The following ORC6 variants were observed in gnomAD, a reference collection of about 807,000 sequenced individuals.
The protein encoded by ORC6 is origin recognition complex, subunit 6 homolog-like (yeast).
A neutral mutation model predicts 30.0 loss-of-function variants in ORC6; 31 were observed. The observed-to-expected ratio is 1.03, with a 90% CI of 0.78 to 1.40. The LOEUF (loss-of-function observed/expected upper bound fraction) is 1.40. ORC6 is among the 40% of genes most tolerant of loss of function. The probability of loss-of-function intolerance (pLI) is 0.00; values close to 1 mark genes in which losing one functional copy is unlikely to be tolerated. For missense variants in ORC6, 340 were observed against 304.3 expected (o/e 1.12, Z -0.87); for synonymous variants, 136 against 111.2 (o/e 1.22, Z -1.40).
chr16:46,694,675 C>G lies in ORC6; in HGVS notation c.450-887C>G, dbSNP rs36316. 2.3e-4 allele frequency among the ~76,000 whole-genome samples: 32 copies of G among 140,034 alleles called. 2 individuals carry two copies. Among genetic ancestry groups the G allele is most frequent in the Admixed American group, 1.9e-3 (27 of 14,276 alleles). The allele number at this position is 140,034 out of a possible 152,430, so 91.9% of individuals were successfully genotyped here. The stretch of plus-strand genomic sequence containing the variant: ...ACAACACTGTCTCTTAAAAAAAAAA[C>G]AAAACACTGGCTACAACTGTTCTTC... On this transcript the variant is annotated intron_variant, in intron 4 of 6. Transcript: ENST00000219097.
At chr16:46,692,829 C>G (rs1047939065) in intron 3 of ORC6, among the ~76,000 whole-genome samples, 2 of 152,150 alleles carry the variant, frequency 1.3e-5, no homozygotes, top group Non-Finnish European at 2.9e-5. Flanking sequence ...GATTGCACCA[C>G]TGCACTCCAG....
Position 46,689,769 on chromosome 16 carries a change from A to C in ORC6, c.64A>C (p.Arg22=). 6 of 1,594,362 alleles carry C rather than the reference A, an allele frequency of 3.8e-6. No homozygotes were observed. Among genetic ancestry groups the C allele is most frequent in the Non-Finnish European group, 5.1e-6 (6 of 1,171,628 alleles). Residue 22 remains arginine (R), a splice_region_variant and synonymous_variant, in exon 1 of 7, where the codon AGG becomes CGG. Transcript: ENST00000219097. ...GGGCCTCGCCGAGCCCGACATGCTG[A>C]GGTGAGTTCGGCCGCGCAAGACCAG... ...RLGLAEPDML[R]KAEEYLRLSR... is the part of the protein sequence containing the mutation.
chr16:46,690,902 T>C (rs917830052), intron 1 of ORC6, 89 bp from the exon 2 acceptor site: 11 of 1,397,072 alleles, frequency 7.9e-6, no homozygotes, highest in South Asian at 1.2e-5. Flanking sequence ...AGGCTTAGTG[T>C]GAAGCTAACC....
chr16:46,692,078 G>C (rs1487630250), intron 2 of ORC6, among the ~76,000 whole-genome samples: 1 of 151,722 alleles, frequency 6.6e-6, no homozygotes, highest in Non-Finnish European at 1.5e-5. Context: ...GTAACCATCT[G>C]TGTGTTTCCT....
At chr16:46,696,359 C>T in intron 6 of ORC6, 1 of 496,942 alleles carries the variant, frequency 2.0e-6, no homozygotes, top group Non-Finnish European at 3.7e-6. Context: ...AGTGCGAGAC[C>T]AGCCTGGGCA....
intron 1 of ORC6, among the ~76,000 whole-genome samples, chr16:46,690,584 G>T (rs1232775951): frequency 3.3e-5 from 5 of 152,078 alleles, no homozygotes; most frequent in Non-Finnish European, 7.4e-5. Context: ...TCAGTAACTC[G>T]GCCTGGGACC....
Position 46,697,751 on chromosome 16 carries a change from C to A in ORC6, c.*166C>A. On this transcript the variant is annotated 3_prime_UTR_variant, in exon 7 of 7. Coordinates refer to ENST00000219097, the MANE Select transcript of ORC6 (RefSeq NM_014321.4). The stretch of plus-strand genomic sequence containing the variant: ...CTGGAGGCTAAGTCTGGGCAGTGGG[C>A]TGGCCCCTGGTGTGAGCATTAGACC... 1.3e-6 allele frequency: 1 copy of A among 756,824 alleles called. No homozygotes were observed. 46.9% of individuals were successfully genotyped at this position (756,824 alleles called of 1,614,324 possible).
intron 1 of ORC6, 191 bp downstream of exon 1, chr16:46,689,961 G>T: frequency 1.4e-6 from 1 of 729,416 alleles, no homozygotes; most frequent in Non-Finnish European, 2.1e-6. Flanking sequence ...CAAGAAGGGC[G>T]ATAGCAAACG....
At position 46,698,359 on chromosome 16, in the gene ORC6, T is replaced by C. The variant is rs1169535440; in HGVS notation, c.*774T>C. On this transcript the variant is annotated 3_prime_UTR_variant, in exon 7 of 7. Transcript: ENST00000219097. ...TTTATTTGACTAAATCAATATATTGTACAGCCTAAGTTAATAAATGTTATT... is the reference window on the plus strand; with the variant it reads ...TTTATTTGACTAAATCAATATATTGCACAGCCTAAGTTAATAAATGTTATT... The C allele has an allele frequency of 2.3e-6, 1 of 427,904 alleles. No homozygotes were observed. The highest frequency in any genetic ancestry group is 7.2e-5 in the East Asian group (1 of 13,956). 26.5% of individuals were successfully genotyped at this position (427,904 alleles called of 1,614,324 possible).
intron 6 of ORC6, 79 bp downstream of exon 6, chr16:46,696,164 CA>C: frequency 1.0e-6 from 1 of 957,832 alleles, no homozygotes; most frequent in Non-Finnish European, 1.7e-6. Context: ...GCTTGCCTGA[CA>C]GGAGTCCAGT....
intron 1 of ORC6, among the ~76,000 whole-genome samples, chr16:46,690,066 C>T (rs1315302551): frequency 6.6e-6 from 1 of 152,250 alleles, no homozygotes; most frequent in Non-Finnish European, 1.5e-5. Flanking sequence ...ACGCCTACTG[C>T]AGTCGGGTTT....
intron 2 of ORC6, among the ~76,000 whole-genome samples, chr16:46,691,958 A>ACACACACACT: frequency 3.5e-4 from 13 of 36,658 alleles, no homozygotes; most frequent in African/African-American, 7.7e-4. Context: ...ACACACACAC[A>ACACACACACT]CTCTCTCTCT....
chr16:46,696,073 G>A lies in ORC6; in HGVS notation c.619G>A (p.Ala207Thr). The A allele has an allele frequency of 6.2e-7, 1 of 1,612,094 alleles. No individual in the cohort carries two copies. Residue 207 changes from alanine (A) to threonine (T), a missense_variant, in exon 6 of 7, where the codon GCC becomes ACC. By Grantham distance (58) the Ala-to-Thr change is moderately conservative. Coordinates refer to ENST00000219097, the MANE Select transcript of ORC6 (RefSeq NM_014321.4). ...PRKRKKIVVE[A>T]PAKEMEKVEE... is the part of the protein sequence containing the mutation. ...GAAGAGAAAGAAGATAGTGGTTGAA[G>A]CCCCAGCAAAGGGTAAGTTTTACTA... is the stretch of plus-strand genomic sequence containing the variant.
chr16:46,693,848 TTTTA>T lies in ORC6; in HGVS notation c.449+670_449+673del, dbSNP rs1332247355. 52 of 7,874 alleles carry T rather than the reference TTTTA, an allele frequency of 6.6e-3. 1 individual carries two copies. The highest frequency in any genetic ancestry group is 9.5e-3 in the African/African-American group (49 of 5,174). 0.5% of individuals were successfully genotyped at this position (7,874 alleles called of 1,614,324 possible). ...TTTTTTACATTTTTTTTATTTTTAT[TTTTA>T]TTTTTTTTTTTTTAATTTATTTTTT... On this transcript the variant is annotated intron_variant, in intron 4 of 6. Transcript: ENST00000219097.
At position 46,698,303 on chromosome 16, in the gene ORC6, G is replaced by T. The variant is rs1261895453; in HGVS notation, c.*718G>T. On this transcript the variant is annotated 3_prime_UTR_variant, in exon 7 of 7. Coordinates refer to ENST00000219097, the MANE Select transcript of ORC6 (RefSeq NM_014321.4). ...AATTCAGTCTGAATGGCATCTTACA[G>T]ATTTTACTTCAATTTTTGTGTACGG... is the stretch of plus-strand genomic sequence containing the variant. 1 of 450,554 alleles carries T rather than the reference G, an allele frequency of 2.2e-6. No individual in the cohort carries two copies. Among genetic ancestry groups the T allele is most frequent in the Non-Finnish European group, 4.5e-6 (1 of 223,566 alleles). The allele number at this position is 450,554 out of a possible 1,614,324, so 27.9% of individuals were successfully genotyped here.
At chr16:46,692,968 A>C (rs970676227) in intron 3 of ORC6, 125 bp from the exon 4 acceptor site, 3 of 731,158 alleles carry the variant, frequency 4.1e-6, no homozygotes, top group Admixed American at 2.0e-5. Flanking sequence ...TCTTAAAAAA[A>C]ATGACTCGTG....
chr16:46,697,154 T>C (rs911135244), intron 6 of ORC6, among the ~76,000 whole-genome samples: 3 of 152,156 alleles, frequency 2.0e-5, no homozygotes, highest in Non-Finnish European at 4.4e-5. Flanking sequence ...TGTCTTGGAA[T>C]GCTTGGAGTG....
chr16:46,694,258 T>A (rs1324752549), intron 4 of ORC6: 1 of 99,600 alleles, frequency 1.0e-5, no homozygotes, highest in Non-Finnish European at 2.1e-5. Flanking sequence ...CATGTCTACT[T>A]CTTTCTACAC....
chr16:46,692,632 G>A (rs2143010551), intron 3 of ORC6, 87 bp downstream of exon 3: 2 of 1,167,580 alleles, frequency 1.7e-6, no homozygotes, highest in East Asian at 2.4e-5. Flanking sequence ...CACTTTGGGA[G>A]GCCAAGTTGG....
Sources: gnomAD v4.1 joint callset for allele counts (sites outside exome capture counted in the v4.1 genomes callset) on GRCh38, gnomAD v4.1.1 for gene constraint, MANE v1.5 for transcripts, NCBI Gene and HGNC (gene_info 2026-07-23, HGNC 2026-07-21) for gene names.